The following ARHGAP40 variants were observed in gnomAD, a reference collection of about 807,000 sequenced individuals.
The protein encoded by ARHGAP40 is Rho GTPase activating protein 40.
In ARHGAP40, 43 loss-of-function variants were observed where a neutral mutation model predicts 73.5. The observed-to-expected ratio is 0.58, with a 90% CI of 0.46 to 0.75. The LOEUF is 0.75. Ranked by LOEUF, ARHGAP40 falls within the 30% of genes least tolerant of loss-of-function variation. The probability of loss-of-function intolerance (pLI) is 0.00; values close to 1 mark genes in which losing one functional copy is unlikely to be tolerated. For synonymous variants in ARHGAP40, 300 were observed against 352.8 expected, an observed-to-expected ratio of 0.85 and a Z score of 1.68; for missense variants, 734 against 861.8, an observed-to-expected ratio of 0.85 and a Z score of 1.86.
At chr20:38,638,895 G>A (rs2088994968) in intron 8 of ARHGAP40, 57 bp downstream of exon 8, 1 of 1,276,160 alleles carries the variant, frequency 7.8e-7, no homozygotes, top group South Asian at 1.2e-5. Flanking sequence ...GCTCACATGT[G>A]TGTTAAGCCG....
intron 5 of ARHGAP40, among the ~76,000 whole-genome samples, chr20:38,632,058 C>T (rs2088942837): frequency 6.6e-6 from 1 of 150,962 alleles, no homozygotes; most frequent in Non-Finnish European, 1.5e-5. Flanking sequence ...CCACCCCCGA[C>T]GTTCAAGTGA....
chr20:38,633,832 C>T (rs2088956857), intron 5 of ARHGAP40, among the ~76,000 whole-genome samples: 1 of 152,122 alleles, frequency 6.6e-6, no homozygotes, highest in Non-Finnish European at 1.5e-5. Flanking sequence ...GTTGAGCATT[C>T]TTTATTTCTG....
intron 1 of ARHGAP40, among the ~76,000 whole-genome samples, chr20:38,610,883 C>CTTTTTTTTTTTTTTTTTTTT (rs60110231): frequency 2.9e-5 from 4 of 139,054 alleles, no homozygotes; most frequent in Non-Finnish European, 4.6e-5. Context: ...GATGTCTTTT[C>CTTTTTTTTTTTTTTTTTTTT]TTTTTTTTTT....
exon 8 of ARHGAP40, chr20:38,638,811 G>T (rs1390483069): frequency 7.7e-7 from 1 of 1,305,420 alleles, no homozygotes; most frequent in Admixed American, 2.3e-5. Context: ...GCATTCTCAG[G>T]GTGCCCGGAT....
At chr20:38,636,265 T>A (rs1165732056) in intron 6 of ARHGAP40, among the ~76,000 whole-genome samples, 2 of 137,924 alleles carry the variant, frequency 1.5e-5, no homozygotes, top group South Asian at 4.5e-4. Flanking sequence ...TATTTATTTA[T>A]TTTTTTTTTT....
intron 6 of ARHGAP40, among the ~76,000 whole-genome samples, chr20:38,635,627 C>T (rs2088970131): frequency 6.6e-6 from 1 of 152,160 alleles, no homozygotes. Flanking sequence ...CATGCCACTG[C>T]ACTCCAGCCT....
chr20:38,616,492 A>G (rs896783075), intron 1 of ARHGAP40, among the ~76,000 whole-genome samples: 2 of 152,226 alleles, frequency 1.3e-5, no homozygotes, highest in African/African-American at 2.4e-5. Flanking sequence ...GCATCCAGCC[A>G]GTGAAAGAAA....
intron 3 of ARHGAP40, among the ~76,000 whole-genome samples, 178 bp from the exon 4 acceptor site, chr20:38,628,749 C>T (rs2088918661): frequency 6.6e-6 from 1 of 152,168 alleles, no homozygotes; most frequent in Non-Finnish European, 1.5e-5. Context: ...AGACTTGGGC[C>T]CCAGTGCCCA....
intron 1 of ARHGAP40, 111 bp from the exon 2 acceptor site, chr20:38,623,248 G>A: frequency 1.2e-6 from 1 of 823,730 alleles, no homozygotes; most frequent in Non-Finnish European, 1.6e-6. Flanking sequence ...TAGGAAGCTT[G>A]CTTAGCCCCC....
intron 5 of ARHGAP40, among the ~76,000 whole-genome samples, chr20:38,632,497 G>A (rs1050486697): frequency 2.2e-4 from 33 of 151,878 alleles, no homozygotes; most frequent in South Asian, 4.2e-4. Flanking sequence ...TCCTGACTTC[G>A]TGATCCGCCA....
intron 11 of ARHGAP40, among the ~76,000 whole-genome samples, chr20:38,644,827 C>A (rs1035708878): frequency 3.3e-5 from 5 of 151,856 alleles, no homozygotes; most frequent in Non-Finnish European, 5.9e-5. Context: ...TCCAACTAAA[C>A]CACACATCTA....
intron 1 of ARHGAP40, among the ~76,000 whole-genome samples, chr20:38,611,413 C>CTT (rs11482396): frequency 0.015 from 1,721 of 118,202 alleles, 35 homozygotes; most frequent in South Asian, 0.033. Flanking sequence ...CTATTTAAAA[C>CTT]TTTTTTTTTT....
At chr20:38,647,153 G>A (rs1352142765) in intron 13 of ARHGAP40, 27 bp downstream of exon 13, 2 of 1,296,692 alleles carry the variant, frequency 1.5e-6, no homozygotes, top group African/African-American at 3.0e-5. Context: ...GGAGGCAGGA[G>A]CCTCTTCCCT....
At position 38,649,868 on chromosome 20, in the gene ARHGAP40, C is replaced by T. The variant is rs954571324; in HGVS notation, c.*20C>T. 3 of 1,298,148 alleles carry T rather than the reference C, an allele frequency of 2.3e-6. 1 individual carries two copies. The highest frequency in any genetic ancestry group is 1.0e-6 in the Non-Finnish European group (1 of 982,580). The allele number at this position is 1,298,148 out of a possible 1,614,324, so 80.4% of individuals were successfully genotyped here. ...ACCTAAACCCTGCGAGTCTCAGGAG[C>T]AGCCTGGATGCCTCCTCCTCTCCCC... On this transcript the variant is annotated 3_prime_UTR_variant, in exon 15 of 15. Coordinates refer to ENST00000373345, the Ensembl canonical transcript of ARHGAP40.
At chr20:38,626,950 G>A (rs2088901525) in intron 2 of ARHGAP40, 45 bp from the exon 3 acceptor site, 1 of 1,290,014 alleles carries the variant, frequency 7.8e-7, no homozygotes, top group Non-Finnish European at 1.0e-6. Context: ...GAGTGGCTGA[G>A]TGCAGAGCTG....
At chr20:38,615,354 GTAAACCAGGGTTAAAAGGCCCCA>G in intron 1 of ARHGAP40, 1 of 761,322 alleles carries the variant, frequency 1.3e-6, no homozygotes, top group Non-Finnish European at 2.5e-6. Flanking sequence ...ACTTCCACTG[GTAAACCAGGGTTAAAAGGCCCCA>G]GGTACCCACC....
At chr20:38,620,179 T>C (rs2088866797) in intron 1 of ARHGAP40, among the ~76,000 whole-genome samples, 1 of 152,260 alleles carries the variant, frequency 6.6e-6, no homozygotes. Context: ...ACTTAGCACC[T>C]GAGTACTTTT....
exon 15 of ARHGAP40, chr20:38,649,982 A>G: frequency 1.7e-6 from 1 of 583,536 alleles, no homozygotes. Context: ...CTTTTCTGAA[A>G]TGCCTCTCAG....
At chr20:38,609,453 T>C (rs2088792104) in intron 1 of ARHGAP40, among the ~76,000 whole-genome samples, 1 of 152,220 alleles carries the variant, frequency 6.6e-6, no homozygotes, top group Non-Finnish European at 1.5e-5. Flanking sequence ...AGTTTATTAA[T>C]CCTTCAAATA....
Sources: allele counts gnomAD v4.1 joint callset (sites outside exome capture counted in the v4.1 genomes callset), GRCh38; gene constraint gnomAD v4.1.1; transcripts MANE v1.5; gene names NCBI Gene and HGNC (gene_info 2026-07-23, HGNC 2026-07-21).